The following BICD1 variants were observed in gnomAD, a reference collection of about 807,000 sequenced individuals.
BICD1 encodes protein bicaudal D homolog 1.
In BICD1, 35 loss-of-function variants were observed where a neutral mutation model predicts 92.5. The ratio of observed to expected loss-of-function variants is 0.38; its 90% CI spans 0.29 to 0.50. The LOEUF (loss-of-function observed/expected upper bound fraction) is 0.50. Among genes scored for constraint, BICD1 ranks in the 20% least tolerant of loss-of-function variants. The pLI is 0.93. For synonymous variants in BICD1, 429 were observed against 465.1 expected (o/e 0.92, Z 1.00); for missense variants, 950 against 1,189.8 (o/e 0.80, Z 2.97).
chr12:32,367,687 G>T lies in BICD1; in HGVS notation c.2782G>T (p.Ala928Ser). The change falls in exon 9 of 10, where the codon GCC becomes TCC. Residue 928 changes from alanine (A) to serine (S), a missense_variant. By Grantham distance (99) the Ala-to-Ser change is moderately conservative (BLOSUM62 1). This residue lies in a region of BICD1 where 179 missense variants were observed against 186.7 expected (regional missense o/e 0.96). Transcript: ENST00000652176. ...TCTTGTAGATTGTCAGCAGCCTGCT[G>T]CCTCCGTACCGCCACAGTGCTCACA... ...VAPPDCQQPA[A>S]SVPPQCSQLA... 6.2e-7 allele frequency: 1 copy of T among 1,614,052 alleles called. No homozygotes were observed. Among genetic ancestry groups the T allele is most frequent in the South Asian group, 1.1e-5 (1 of 91,086 alleles).
chr12:32,288,170 G>T (rs574728501), intron 2 of BICD1, among the ~76,000 whole-genome samples: 43 of 151,512 alleles, frequency 2.8e-4, no homozygotes, highest in Non-Finnish European at 5.0e-4. Context: ...CTTCAGGGAA[G>T]TGTGATTAAT....
At chr12:32,241,048 C>T (rs1160439944) in intron 2 of BICD1, among the ~76,000 whole-genome samples, 1 of 152,094 alleles carries the variant, frequency 6.6e-6, no homozygotes, top group African/African-American at 2.4e-5. Flanking sequence ...GTATTATTAC[C>T]CTCTTATTGT....
At chr12:32,252,254 G>A (rs1460122323) in intron 2 of BICD1, among the ~76,000 whole-genome samples, 1 of 138,494 alleles carries the variant, frequency 7.2e-6, no homozygotes, top group Non-Finnish European at 1.5e-5. Flanking sequence ...TTTTTACTTC[G>A]TTTCACTTGA....
At chr12:32,165,448 G>A (rs185277944) in intron 1 of BICD1, among the ~76,000 whole-genome samples, 77 of 152,170 alleles carry the variant, frequency 5.1e-4, no homozygotes, top group African/African-American at 1.7e-3. Flanking sequence ...CCCGGGAGGC[G>A]GAGCTTGCAG....
intron 9 of BICD1, among the ~76,000 whole-genome samples, chr12:32,371,514 G>A (rs1404054526): frequency 6.6e-6 from 1 of 152,158 alleles, no homozygotes; most frequent in Non-Finnish European, 1.5e-5. Flanking sequence ...TTCCATAAGG[G>A]ATAAGCACAG....
rs534300038 is a variant in BICD1, at chr12:32,366,341, C to T, written c.2765-1329C>T. Among the ~76,000 whole-genome samples, 48 of 152,284 alleles carry T rather than the reference C, an allele frequency of 3.2e-4. 1 individual carries two copies. In the South Asian group the frequency reaches 9.3e-3, roughly 30 times the overall value. ...TTATTTACATAACATATAAGGAGGC[C>T]GGGTGCAGTGGCTCACGCCTGTAAT... On this transcript the variant is annotated intron_variant, in intron 8 of 9. Transcript: ENST00000652176.
At chr12:32,205,278 A>G (rs1197279367) in intron 1 of BICD1, among the ~76,000 whole-genome samples, 1 of 152,142 alleles carries the variant, frequency 6.6e-6, no homozygotes, top group Non-Finnish European at 1.5e-5. Context: ...AACTGAGAAT[A>G]TTTGGGAATC....
At position 32,328,461 on chromosome 12, in the gene BICD1, C is replaced by T; in HGVS notation, c.2006C>T (p.Ala669Val). 1 of 1,614,154 alleles carries T rather than the reference C, an allele frequency of 6.2e-7. No individual in the cohort carries two copies. The highest frequency in any genetic ancestry group is 8.5e-7 in the Non-Finnish European group (1 of 1,180,028). The stretch of plus-strand genomic sequence containing the variant: ...CCCATGATTGATAAAGACAAGGAAG[C>T]CTTAATGGAAGAGATCCTCAAGCTA... ...LAPMIDKDKEALMEEILKLKS... is the reference protein window; with the variant it reads ...LAPMIDKDKEVLMEEILKLKS... The change falls in exon 5 of 10, where the codon GCC (alanine) becomes GTC (valine). Residue 669 changes from alanine (A) to valine (V), a missense_variant. By Grantham distance (64) the Ala-to-Val change is moderately conservative (BLOSUM62 0). This residue lies in a region of BICD1 where 309 missense variants were observed against 499.4 expected (regional missense o/e 0.62). Coordinates refer to ENST00000652176, the MANE Select transcript of BICD1 (RefSeq NM_001714.4). The surrounding 1 kb of genome is among the most constrained non-coding windows in gnomAD (Gnocchi z 4.4).
intron 1 of BICD1, among the ~76,000 whole-genome samples, chr12:32,111,091 T>C (rs1941672721): frequency 6.6e-6 from 1 of 152,226 alleles, no homozygotes; most frequent in African/African-American, 2.4e-5. Flanking sequence ...GCATTACTGA[T>C]GGCATTTTAA....
intron 3 of BICD1, among the ~76,000 whole-genome samples, chr12:32,296,959 G>T (rs1291783910): frequency 6.6e-6 from 1 of 152,066 alleles, no homozygotes; most frequent in Non-Finnish European, 1.5e-5. Context: ...AAAAGGAGGG[G>T]GGACTTACAC....
intron 1 of BICD1, among the ~76,000 whole-genome samples, chr12:32,177,071 T>C (rs1389333061): frequency 6.6e-6 from 1 of 151,842 alleles, no homozygotes; most frequent in Non-Finnish European, 1.5e-5. Flanking sequence ...TCCCAGCACT[T>C]TGGGAGGCTG....
At chr12:32,359,235 C>T (rs1396192671) in intron 8 of BICD1, among the ~76,000 whole-genome samples, 1 of 152,142 alleles carries the variant, frequency 6.6e-6, no homozygotes, top group East Asian at 1.9e-4. Context: ...CTGTTTACTC[C>T]AAGTTTATAA....
At chr12:32,376,543 G>C (rs530238489) in intron 9 of BICD1, among the ~76,000 whole-genome samples, 103 of 150,272 alleles carry the variant, frequency 6.9e-4, no homozygotes, top group African/African-American at 2.5e-3. Context: ...CACAGGCGTC[G>C]TTTGGAAAGT....
At chr12:32,189,614 TTGA>T (rs1477940689) in intron 1 of BICD1, among the ~76,000 whole-genome samples, 1 of 152,130 alleles carries the variant, frequency 6.6e-6, no homozygotes, top group Non-Finnish European at 1.5e-5. Context: ...GCATAATTTG[TTGA>T]TGAATACACA....
chr12:32,296,122 G>A (rs1278841490), intron 3 of BICD1, among the ~76,000 whole-genome samples: 1 of 149,562 alleles, frequency 6.7e-6, no homozygotes, highest in African/African-American at 2.4e-5. Context: ...CTGAGGGCTG[G>A]CCATTCCAGA....
chr12:32,169,087 G>A (rs946143161), intron 1 of BICD1, among the ~76,000 whole-genome samples: 1 of 152,172 alleles, frequency 6.6e-6, no homozygotes, highest in African/African-American at 2.4e-5. Context: ...TTTAGTTTCT[G>A]TAGTAGAAGG....
At chr12:32,324,222 G>GC (rs1159966486) in intron 4 of BICD1, among the ~76,000 whole-genome samples, 1 of 152,068 alleles carries the variant, frequency 6.6e-6, no homozygotes, top group Non-Finnish European at 1.5e-5. Flanking sequence ...AGGTGTGGTG[G>GC]CGTGTGCCTG....
At chr12:32,153,435 C>T (rs528803683) in intron 1 of BICD1, among the ~76,000 whole-genome samples, 131 of 151,796 alleles carry the variant, frequency 8.6e-4, no homozygotes, top group African/African-American at 3.1e-3. Context: ...CGGATATATA[C>T]CTGAAACTAT....
intron 9 of BICD1, chr12:32,367,967 T>C: frequency 2.0e-6 from 1 of 507,664 alleles, no homozygotes; most frequent in Non-Finnish European, 3.6e-6. Flanking sequence ...GCTGGTAGAC[T>C]CTACAGGCTG....
Sources: allele counts gnomAD v4.1 joint callset (sites outside exome capture counted in the v4.1 genomes callset), GRCh38; gene constraint gnomAD v4.1.1; regional missense constraint gnomAD v4.1.1; non-coding constraint Gnocchi (gnomAD v3.1); transcripts MANE v1.5; gene names NCBI Gene and HGNC (gene_info 2026-07-23, HGNC 2026-07-21).